The following NOTCH2 variants were observed in gnomAD, a reference collection of about 807,000 sequenced individuals.
The protein encoded by NOTCH2 is neurogenic locus notch homolog protein 2.
In NOTCH2, 29 loss-of-function variants were observed where a neutral mutation model predicts 235.8. That is an observed-to-expected ratio of 0.12 (90% CI 0.09 to 0.17). NOTCH2 has a LOEUF of 0.17. Among genes scored for constraint, NOTCH2 ranks in the 10% least tolerant of loss-of-function variants. The pLI, the probability that NOTCH2 is intolerant of heterozygous loss-of-function variation, is 1.00. For missense variants in NOTCH2, 2,285 were observed against 3,150.2 expected, an observed-to-expected ratio of 0.73 and a Z score of 6.57; for synonymous variants, 1,086 against 1,141.5, an observed-to-expected ratio of 0.95 and a Z score of 0.98.
chr1:120,003,781 G>T (rs1224969151), intron 3 of NOTCH2, among the ~76,000 whole-genome samples: 1 of 151,686 alleles, frequency 6.6e-6, no homozygotes, highest in Admixed American at 6.6e-5. Context: ...TCATGAAAGG[G>T]TCACTAAGAC....
chr1:119,935,697 G>C, intron 21 of NOTCH2, 93 bp from the exon 22 acceptor site: 1 of 1,342,416 alleles, frequency 7.4e-7, no homozygotes, highest in Non-Finnish European at 1.1e-6. Context: ...TTCTGTGACT[G>C]TCTCCCACCT....
rs1553204362 is a variant in NOTCH2 at position 119,997,303 on chromosome 1, G to A, written c.445C>T (p.Leu149=). ...CTTCCATTTGCACAGGGATGAGACA[G>A]GCAGGCATCCGTCCATTGGCACTCC... The part of the protein sequence containing the change: ...GKECQWTDAC[L]SHPCANGSTC... Residue 149 remains leucine, a synonymous_variant, in exon 4 of 34, where the codon CTG becomes TTG. Transcript: ENST00000256646. 6.2e-7 allele frequency: 1 copy of A among 1,614,006 alleles called. No homozygotes were observed. The highest frequency in any genetic ancestry group is 1.1e-5 in the South Asian group (1 of 91,080).
chr1:119,929,162 G>A lies in NOTCH2; in HGVS notation c.3706C>T (p.Leu1236Phe), dbSNP rs782493421. 1.9e-6 allele frequency: 3 copies of A among 1,614,192 alleles called. No individual in the cohort carries two copies. In the East Asian group the frequency reaches 6.7e-5, roughly 36 times the overall value. Reference protein sequence around the residue: ...IDDCARGPHCLNGGQCMDRIG... With the variant: ...IDDCARGPHCFNGGQCMDRIG... ...CTATCCATGCACTGACCACCATTAA[G>A]GCAATGGGGACCCCGGGCACAGTCA... The change falls in exon 23 of 34, where the codon CTT becomes TTT. Residue 1236 changes from leucine to phenylalanine, a missense_variant. By Grantham distance (22) the Leu-to-Phe change is conservative. This residue lies in a region of NOTCH2 where 1,173 missense variants were observed against 1,515.3 expected (regional missense o/e 0.77). Transcript: ENST00000256646.
chr1:119,934,745 G>A (rs1217070606), intron 22 of NOTCH2, among the ~76,000 whole-genome samples: 11 of 152,192 alleles, frequency 7.2e-5, no homozygotes, highest in African/African-American at 2.7e-4. Flanking sequence ...TCACCAGTGT[G>A]GATGGCCTTT....
intron 13 of NOTCH2, 112 bp downstream of exon 13, chr1:119,954,928 G>T: frequency 1.9e-6 from 2 of 1,030,928 alleles, no homozygotes; most frequent in Non-Finnish European, 1.5e-6. Context: ...CAAATCTTCA[G>T]CAAAGTTTCA....
intron 25 of NOTCH2, 98 bp downstream of exon 25, chr1:119,925,207 G>T: frequency 2.0e-6 from 3 of 1,488,794 alleles, no homozygotes; most frequent in Admixed American, 3.3e-5. Flanking sequence ...AGCAGAGGCA[G>T]CTTAGGCTGA....
Position 119,914,826 on chromosome 1 carries a change from A to G in NOTCH2, c.*480T>C. 3.2e-6 allele frequency: 1 copy of G among 309,396 alleles called. No homozygotes were observed. The highest frequency in any genetic ancestry group is 6.3e-5 in the South Asian group (1 of 15,920). The allele number at this position is 309,396 out of a possible 1,614,324, so 19.2% of individuals were successfully genotyped here. A position where few individuals can be genotyped will look rare whatever the true frequency, so the allele number is the denominator to read the frequency against. On this transcript the variant is annotated 3_prime_UTR_variant, in exon 34 of 34. Coordinates refer to ENST00000256646, the MANE Select transcript of NOTCH2 (RefSeq NM_024408.4). ...TAGGGCTACAATCACGGAGAGGTGC[A>G]AAACCAAAAGCACCAAATGAAGACA...
chr1:119,921,904 T>C lies in NOTCH2; in HGVS notation c.5214-95A>G, dbSNP rs587751131. On this transcript the variant is annotated intron_variant, in intron 28 of 33. Coordinates refer to ENST00000256646, the MANE Select transcript of NOTCH2 (RefSeq NM_024408.4). ...CCACCATGACACACTCCCGTGGCTATATTACAATTTTGCAGGGTCTTGGCC... is the reference window on the plus strand; with the variant it reads ...CCACCATGACACACTCCCGTGGCTACATTACAATTTTGCAGGGTCTTGGCC... 2.0e-5 allele frequency: 22 copies of C among 1,084,120 alleles called. No individual in the cohort carries two copies. The South Asian group carries it at 2.7e-4, about 13-fold the overall frequency. The allele number at this position is 1,084,120 out of a possible 1,614,324, so 67.2% of individuals were successfully genotyped here. A position where few individuals can be genotyped will look rare whatever the true frequency, so the allele number is the denominator to read the frequency against.
At chr1:119,941,777 G>T (rs2101106055) in intron 17 of NOTCH2, 23 bp from the exon 18 acceptor site, 1 of 1,533,108 alleles carries the variant, frequency 6.5e-7, no homozygotes, top group South Asian at 1.1e-5. Context: ...AAAAGAATTA[G>T]ACCTCTGAAG....
At chr1:120,025,419 G>C (rs1445538773) in intron 2 of NOTCH2, among the ~76,000 whole-genome samples, 4 of 152,116 alleles carry the variant, frequency 2.6e-5, no homozygotes, top group African/African-American at 9.7e-5. Context: ...TTGGGAATAA[G>C]AACCCTATCC....
At chr1:120,025,473 T>C (rs1416168395) in intron 2 of NOTCH2, among the ~76,000 whole-genome samples, 4 of 150,962 alleles carry the variant, frequency 2.6e-5, no homozygotes, top group Non-Finnish European at 5.9e-5. Context: ...AGAACAGAAG[T>C]AGGCCCACCC....
intron 3 of NOTCH2, among the ~76,000 whole-genome samples, chr1:120,003,582 C>T (rs1255130391): frequency 1.2e-4 from 18 of 151,282 alleles, no homozygotes; most frequent in Admixed American, 1.1e-3. Flanking sequence ...TGGTTTAGTG[C>T]TTAAAGCAGG....
In NOTCH2 at chr1:119,920,222, T is replaced by C. The variant is rs1201356252; in HGVS notation, c.5479+7A>G. 1 of 1,613,818 alleles carries C rather than the reference T, an allele frequency of 6.2e-7. No individual in the cohort carries two copies. The highest frequency in any genetic ancestry group is 1.7e-5 in the Admixed American group (1 of 60,004). Reference sequence around the variant, plus strand: ...CCAGTGAAGAGGGGAAGAGGCCCGGTGCTGACCTGGGCCACGGACATTCAC... The same window carrying C: ...CCAGTGAAGAGGGGAAGAGGCCCGGCGCTGACCTGGGCCACGGACATTCAC... On this transcript the variant is annotated splice_region_variant and intron_variant, in intron 30 of 33. Transcript: ENST00000256646.
intron 17 of NOTCH2, among the ~76,000 whole-genome samples, chr1:119,944,757 T>C (rs1170962103): frequency 1.3e-5 from 2 of 152,108 alleles, no homozygotes; most frequent in African/African-American, 2.4e-5. Flanking sequence ...AAAGTCAATT[T>C]AGAATTCTCC....
chr1:120,039,462 G>T (rs1451323937), intron 1 of NOTCH2, among the ~76,000 whole-genome samples: 2 of 148,052 alleles, frequency 1.4e-5, no homozygotes, highest in Non-Finnish European at 3.0e-5. Context: ...AGGCTGGAGT[G>T]CAGTGGCGCA....
At chr1:119,987,798 A>C (rs1652077523) in intron 4 of NOTCH2, among the ~76,000 whole-genome samples, 1 of 152,210 alleles carries the variant, frequency 6.6e-6, no homozygotes, top group Non-Finnish European at 1.5e-5. Context: ...AACTAAGCTT[A>C]CCAGCACTTC....
At chr1:119,963,180 T>TAGGTAGGAAGGA (rs140617036) in intron 11 of NOTCH2, among the ~76,000 whole-genome samples, 10 of 144,744 alleles carry the variant, frequency 6.9e-5, no homozygotes, top group Non-Finnish European at 1.4e-4. Context: ...GGAAGGTAGG[T>TAGGTAGGAAGGA]AGGAAGGAAG....
chr1:119,927,147 T>G (rs1041016489), intron 23 of NOTCH2, among the ~76,000 whole-genome samples: 2 of 152,070 alleles, frequency 1.3e-5, no homozygotes, highest in African/African-American at 4.8e-5. Flanking sequence ...TTTCCTAGAG[T>G]TAGTTTCCTC....
At chr1:120,039,232 G>A (rs1490129605) in intron 1 of NOTCH2, among the ~76,000 whole-genome samples, 1 of 152,178 alleles carries the variant, frequency 6.6e-6, no homozygotes, top group Non-Finnish European at 1.5e-5. Context: ...TACAAAAACT[G>A]CTATATATTT....
Sources: gnomAD v4.1 joint callset for allele counts (sites outside exome capture counted in the v4.1 genomes callset) on GRCh38, gnomAD v4.1.1 for gene constraint, gnomAD v4.1.1 regional missense constraint, MANE v1.5 for transcripts, NCBI Gene and HGNC (gene_info 2026-07-23, HGNC 2026-07-21) for gene names.